FAM135B: variants seen among roughly 807,000 people sequenced by gnomAD.
The protein encoded by FAM135B is protein FAM135B.
FAM135B carries 43 observed loss-of-function variants against 127.7 expected under a neutral mutation model. The ratio of observed to expected loss-of-function variants is 0.34; its 90% CI spans 0.26 to 0.43. FAM135B has a LOEUF of 0.43. Among genes scored for constraint, FAM135B ranks in the 20% least tolerant of loss-of-function variants. The probability of loss-of-function intolerance (pLI) is 1.00; values close to 1 mark genes in which losing one functional copy is unlikely to be tolerated. For synonymous variants in FAM135B, 670 were observed against 665.1 expected (o/e 1.01, Z -0.11); for missense variants, 1,558 against 1,725.6 (o/e 0.90, Z 1.72).
intron 1 of FAM135B, among the ~76,000 whole-genome samples, chr8:138,494,447 CA>C (rs1356045266): frequency 1.3e-5 from 2 of 152,162 alleles, no homozygotes; most frequent in Admixed American, 6.5e-5. Context: ...CAGTCCATCA[CA>C]AAGGAGGTCC....
intron 9 of FAM135B, among the ~76,000 whole-genome samples, chr8:138,193,097 A>G (rs553323356): frequency 7.6e-4 from 115 of 152,264 alleles, no homozygotes; most frequent in Admixed American, 1.2e-3. Flanking sequence ...GTGACGTATA[A>G]GGAGAAAACA....
chr8:138,426,136 G>GTATATA (rs200938066), intron 1 of FAM135B, among the ~76,000 whole-genome samples: 2 of 139,806 alleles, frequency 1.4e-5, no homozygotes, highest in African/African-American at 5.4e-5. Flanking sequence ...GTGTGTGTGT[G>GTATATA]TGTATATATA....
At chr8:138,168,108 G>T in intron 11 of FAM135B, 59 bp from the exon 12 acceptor site, 1 of 1,527,158 alleles carries the variant, frequency 6.5e-7, no homozygotes, top group South Asian at 1.3e-5. Context: ...CCAAACCGTT[G>T]CCCCCTCTTC....
chr8:138,389,629 A>G (rs1554681798), intron 1 of FAM135B, among the ~76,000 whole-genome samples: 1 of 152,242 alleles, frequency 6.6e-6, no homozygotes, highest in Non-Finnish European at 1.5e-5. Context: ...AAATCCATAC[A>G]GACAGAGAGC....
At chr8:138,449,304 A>T (rs1587482479) in intron 1 of FAM135B, among the ~76,000 whole-genome samples, 1 of 152,196 alleles carries the variant, frequency 6.6e-6, no homozygotes, top group Non-Finnish European at 1.5e-5. Flanking sequence ...CCAAAGTGCC[A>T]TAAAGGGATT....
At chr8:138,192,598 G>T (rs1004778972) in intron 9 of FAM135B, among the ~76,000 whole-genome samples, 1 of 39,172 alleles carries the variant, frequency 2.6e-5, no homozygotes, top group Admixed American at 2.5e-4. Flanking sequence ...TGATAAACTC[G>T]CTCATCTGGT....
At chr8:138,347,133 AT>A (rs2131094257) in intron 2 of FAM135B, among the ~76,000 whole-genome samples, 1 of 152,346 alleles carries the variant, frequency 6.6e-6, no homozygotes, top group African/African-American at 2.4e-5. Flanking sequence ...GAATGAATGA[AT>A]GAAGGCAGGT....
chr8:138,216,284 AG>A (rs1297593623), intron 7 of FAM135B, among the ~76,000 whole-genome samples: 2 of 152,342 alleles, frequency 1.3e-5, no homozygotes, highest in East Asian at 3.9e-4. Context: ...TAGATAGAAG[AG>A]GACACATCTG....
In FAM135B at chr8:138,132,919, A is replaced by C; in HGVS notation, c.4016-121T>G. 1.3e-6 allele frequency: 1 copy of C among 783,302 alleles called. No individual in the cohort carries two copies. The highest frequency in any genetic ancestry group is 2.2e-6 in the Non-Finnish European group (1 of 457,266). The allele number at this position is 783,302 out of a possible 1,614,324, so 48.5% of individuals were successfully genotyped here. The stretch of plus-strand genomic sequence containing the variant: ...GCAGACCTGTTATACAGCAGTTTCC[A>C]ACCTCTTCCTAATGTTAGTGAAATT... On this transcript the variant is annotated intron_variant, in intron 19 of 19. Coordinates refer to ENST00000395297, the MANE Select transcript of FAM135B (RefSeq NM_015912.4). This position sits in a 1 kb window ranked among gnomAD's most constrained non-coding sequence, Gnocchi z 4.5.
chr8:138,282,532 C>A (rs1163117117), intron 3 of FAM135B, among the ~76,000 whole-genome samples: 1 of 152,158 alleles, frequency 6.6e-6, no homozygotes, highest in East Asian at 1.9e-4. Context: ...TCTTAACAGA[C>A]ACCTCGCCAA....
At chr8:138,487,817 CA>C (rs1355581298) in intron 1 of FAM135B, among the ~76,000 whole-genome samples, 22 of 152,090 alleles carry the variant, frequency 1.4e-4, no homozygotes, top group Non-Finnish European at 1.5e-5. Context: ...GCCTCGCCAA[CA>C]AGGGGAAATC....
At chr8:138,479,007 C>T (rs1394630789) in intron 1 of FAM135B, among the ~76,000 whole-genome samples, 1 of 152,182 alleles carries the variant, frequency 6.6e-6, no homozygotes, top group Non-Finnish European at 1.5e-5. Context: ...CCACAACCTC[C>T]TCATCAAGTT....
chr8:138,257,891 A>T (rs1023054384), intron 4 of FAM135B, among the ~76,000 whole-genome samples: 47 of 141,938 alleles, frequency 3.3e-4, no homozygotes, highest in African/African-American at 5.2e-4. Flanking sequence ...AAAATAAAAA[A>T]AAAAATAAAA....
At chr8:138,277,263 T>C (rs16908758) in intron 3 of FAM135B, among the ~76,000 whole-genome samples, 15,236 of 152,170 alleles carry the variant, frequency 0.1, 801 homozygotes, top group African/African-American at 0.12. Flanking sequence ...GCTAATACAT[T>C]GTGCCAAATA....
At chr8:138,425,273 G>A (rs1217851420) in intron 1 of FAM135B, among the ~76,000 whole-genome samples, 4 of 152,132 alleles carry the variant, frequency 2.6e-5, no homozygotes, top group Admixed American at 1.3e-4. Context: ...ATCACAGATG[G>A]AAAAGACTCA....
At chr8:138,250,714 T>C (rs756737852) in intron 6 of FAM135B, 127 bp downstream of exon 6, 2 of 1,065,316 alleles carry the variant, frequency 1.9e-6, no homozygotes, top group Non-Finnish European at 2.7e-6. Context: ...GGCCCAAAGC[T>C]TAAACCTGCA....
At chr8:138,274,400 A>G (rs906620034) in intron 3 of FAM135B, among the ~76,000 whole-genome samples, 1 of 152,216 alleles carries the variant, frequency 6.6e-6, no homozygotes. Flanking sequence ...GGTGTGGGTC[A>G]CAGACATCAA....
intron 3 of FAM135B, among the ~76,000 whole-genome samples, chr8:138,280,220 A>C (rs1423803851): frequency 1.3e-5 from 2 of 152,158 alleles, no homozygotes; most frequent in African/African-American, 4.8e-5. Context: ...GTCTGAGAAA[A>C]TTCTACATCC....
Position 138,131,076 on chromosome 8 carries a change from G to A in FAM135B, c.*1517C>T, listed in dbSNP as rs1171198547. ...CCATGGTCTGCTTTTATTTTTCAAA[G>A]TCACATTGTTAACATAAGAGGATCT... On this transcript the variant is annotated 3_prime_UTR_variant, in exon 20 of 20. Coordinates refer to ENST00000395297, the MANE Select transcript of FAM135B (RefSeq NM_015912.4). 1 of 152,160 alleles carries A rather than the reference G, an allele frequency of 6.6e-6. No homozygotes were observed. Among genetic ancestry groups the A allele is most frequent in the Non-Finnish European group, 1.5e-5 (1 of 68,044 alleles). The allele number at this position is 152,160 out of a possible 1,614,324, so 9.4% of individuals were successfully genotyped here.
Sources: allele counts gnomAD v4.1 joint callset (sites outside exome capture counted in the v4.1 genomes callset), GRCh38; gene constraint gnomAD v4.1.1; non-coding constraint Gnocchi (gnomAD v3.1); transcripts MANE v1.5; gene names NCBI Gene and HGNC (gene_info 2026-07-23, HGNC 2026-07-21).